The following TNNI3K variants were observed in gnomAD, a reference collection of about 807,000 sequenced individuals.
TNNI3K encodes serine/threonine-protein kinase TNNI3K.
TNNI3K carries 140 observed loss-of-function variants against 114.5 expected under a neutral mutation model. The ratio of observed to expected loss-of-function variants is 1.22; its 90% CI spans 1.07 to 1.41. TNNI3K has a LOEUF of 1.41. TNNI3K is among the 40% of genes most tolerant of loss of function. The probability of loss-of-function intolerance (pLI) is 0.00; values close to 1 mark genes in which losing one functional copy is unlikely to be tolerated. For missense variants in TNNI3K, 1,125 were observed against 1,007.6 expected (o/e 1.12, Z -1.58); for synonymous variants, 347 against 347.5 (o/e 1.00, Z 0.02).
At chr1:74,490,380 C>A (rs1049384175) in intron 22 of TNNI3K, among the ~76,000 whole-genome samples, 8 of 152,264 alleles carry the variant, frequency 5.3e-5, no homozygotes, top group Non-Finnish European at 1.0e-4. Context: ...AAAATATCCT[C>A]TCATTTTGAA....
chr1:74,378,248 A>G (rs908566988), intron 17 of TNNI3K, among the ~76,000 whole-genome samples: 1 of 152,018 alleles, frequency 6.6e-6, no homozygotes, highest in African/African-American at 2.4e-5. Context: ...ATTCAATTTT[A>G]TTACTGCTTT....
chr1:74,535,333 T>C (rs1158251118), intron 23 of TNNI3K, among the ~76,000 whole-genome samples: 14 of 152,102 alleles, frequency 9.2e-5, no homozygotes, highest in Admixed American at 7.2e-4. Context: ...TAGCCAGGCA[T>C]GGTGGCACAT....
intron 21 of TNNI3K, chr1:74,470,449 C>G: frequency 2.5e-6 from 1 of 400,634 alleles, no homozygotes; most frequent in Non-Finnish European, 4.4e-6. Context: ...GCTGTCAATT[C>G]CTTTTTCGCT....
chr1:74,315,829 A>G (rs1659274957), intron 5 of TNNI3K, among the ~76,000 whole-genome samples: 1 of 152,066 alleles, frequency 6.6e-6, no homozygotes, highest in East Asian at 1.9e-4. Context: ...TGTTCTACAT[A>G]TTTTTCTTCA....
At chr1:74,508,292 T>C (rs1670009066) in intron 23 of TNNI3K, among the ~76,000 whole-genome samples, 1 of 152,216 alleles carries the variant, frequency 6.6e-6, no homozygotes, top group Admixed American at 6.5e-5. Flanking sequence ...ATAGTAATAA[T>C]AATAGCCATC....
chr1:74,401,811 GT>G, intron 17 of TNNI3K: 1 of 448,650 alleles, frequency 2.2e-6, no homozygotes, highest in Non-Finnish European at 4.5e-6. Flanking sequence ...CTTATTTTAT[GT>G]TTCAATATTT....
At chr1:74,391,999 T>C (rs1663810246) in intron 17 of TNNI3K, among the ~76,000 whole-genome samples, 2 of 133,054 alleles carry the variant, frequency 1.5e-5, no homozygotes, top group Admixed American at 8.3e-5. Context: ...GGAGTCTCGC[T>C]CTGTCGCCCA....
chr1:74,374,947 C>A (rs1662829566), intron 17 of TNNI3K: 1 of 151,812 alleles, frequency 6.6e-6, no homozygotes, highest in African/African-American at 2.4e-5. Context: ...AATTGTTTGA[C>A]ACTGAAGCAG....
At chr1:74,294,008 A>G (rs780019626) in intron 5 of TNNI3K, among the ~76,000 whole-genome samples, 3 of 151,692 alleles carry the variant, frequency 2.0e-5, no homozygotes, top group Non-Finnish European at 4.4e-5. Context: ...TTGAATGCCA[A>G]ATTAATTTTG....
At chr1:74,461,681 G>A (rs560942739) in intron 20 of TNNI3K, among the ~76,000 whole-genome samples, 2 of 152,180 alleles carry the variant, frequency 1.3e-5, no homozygotes, top group Non-Finnish European at 2.9e-5. Context: ...TGGTGCAGAT[G>A]TATTGATAAC....
intron 17 of TNNI3K, among the ~76,000 whole-genome samples, chr1:74,408,993 A>C (rs1244973930): frequency 3.2e-5 from 3 of 92,938 alleles, no homozygotes; most frequent in African/African-American, 2.1e-4. Context: ...TCCATATAAC[A>C]AAAAAAAAAA....
chr1:74,267,767 G>A (rs1832809), intron 4 of TNNI3K, among the ~76,000 whole-genome samples: 2,146 of 151,754 alleles, frequency 0.014, 51 homozygotes, highest in African/African-American at 0.049. Flanking sequence ...ATCCAACCAA[G>A]GTATGAAAGG....
intron 5 of TNNI3K, among the ~76,000 whole-genome samples, chr1:74,293,037 A>G (rs1182808113): frequency 6.6e-6 from 1 of 151,610 alleles, no homozygotes; most frequent in Non-Finnish European, 1.5e-5. Flanking sequence ...AATTTATTGG[A>G]CATATCTTTT....
At chr1:74,448,636 CA>C (rs1329855075) in intron 20 of TNNI3K, among the ~76,000 whole-genome samples, 1 of 110,866 alleles carries the variant, frequency 9.0e-6, no homozygotes, top group Non-Finnish European at 1.8e-5. Context: ...AAATACGTCC[CA>C]TCAATACCTA....
At chr1:74,533,652 G>A (rs1249749829) in intron 23 of TNNI3K, among the ~76,000 whole-genome samples, 1 of 151,804 alleles carries the variant, frequency 6.6e-6, no homozygotes, top group African/African-American at 2.4e-5. Flanking sequence ...GCAAAGACTT[G>A]GAACCAACCC....
intron 17 of TNNI3K, among the ~76,000 whole-genome samples, chr1:74,398,985 A>T (rs1386370619): frequency 6.6e-6 from 1 of 151,676 alleles, no homozygotes; most frequent in East Asian, 1.9e-4. Flanking sequence ...TTGAAACCCC[A>T]TCTCTACTGA....
At chr1:74,458,841 G>C (rs1667332937) in intron 20 of TNNI3K, among the ~76,000 whole-genome samples, 1 of 152,094 alleles carries the variant, frequency 6.6e-6, no homozygotes, top group Non-Finnish European at 1.5e-5. Context: ...TCAGGTTTGG[G>C]TTATAGATCT....
At chr1:74,338,112 A>G (rs961645004) in intron 7 of TNNI3K, among the ~76,000 whole-genome samples, 2 of 152,088 alleles carry the variant, frequency 1.3e-5, no homozygotes, top group African/African-American at 4.8e-5. Flanking sequence ...AATAATGCAT[A>G]TGTTTAATGT....
At chr1:74,367,726 A>C (rs561103017) in intron 12 of TNNI3K, among the ~76,000 whole-genome samples, 182 bp from the exon 13 acceptor site, 1 of 152,094 alleles carries the variant, frequency 6.6e-6, no homozygotes, top group African/African-American at 2.4e-5. Flanking sequence ...ATTTTCTAAA[A>C]AATCTTTTTA....
Sources: gnomAD v4.1 joint callset for allele counts (sites outside exome capture counted in the v4.1 genomes callset) on GRCh38, gnomAD v4.1.1 for gene constraint, MANE v1.5 for transcripts, NCBI Gene and HGNC (gene_info 2026-07-23, HGNC 2026-07-21) for gene names.